Variants in CD300A observed in about 807,000 individuals in gnomAD.
CD300A encodes the protein CD300a molecule, also known as CMRF35-like molecule 8.
Under a neutral mutation model 33.6 loss-of-function variants are expected in CD300A, and 22 were observed. That is an observed-to-expected ratio of 0.66 (90% confidence interval 0.47 to 0.94). The LOEUF (loss-of-function observed/expected upper bound fraction) is 0.94. Among genes scored for constraint, CD300A ranks in the 40% least tolerant of loss-of-function variants. CD300A has a pLI of 0.00. For synonymous variants in CD300A, 136 were observed against 148.1 expected, an observed-to-expected ratio of 0.92 and a Z score of 0.59; for missense variants, 326 against 360.5, an observed-to-expected ratio of 0.90 and a Z score of 0.77.
chr17:74,471,362 T>C (rs1906089014), intron 1 of CD300A, among the ~76,000 whole-genome samples: 1 of 152,228 alleles, frequency 6.6e-6, no homozygotes, highest in Non-Finnish European at 1.5e-5. Flanking sequence ...TTTTATTAGC[T>C]GGAGTCATGT....
At position 74,481,305 on chromosome 17, in the gene CD300A, G is replaced by T. The variant is rs1241804804; in HGVS notation, c.645G>T (p.Glu215Asp). 2 of 1,613,978 alleles carry T rather than the reference G, an allele frequency of 1.2e-6. No individual in the cohort carries two copies. The highest frequency in any genetic ancestry group is 1.7e-6 in the Non-Finnish European group (2 of 1,179,998). Residue 215 changes from glutamate to aspartate, a missense_variant, in exon 5 of 7, where the codon GAG (glutamate) becomes GAT (aspartate). Coordinates refer to ENST00000360141, the MANE Select transcript of CD300A (RefSeq NM_007261.4). Reference protein sequence around the residue: ...QKWIKAGDHSELSQNPKQAAT... With the variant: ...QKWIKAGDHSDLSQNPKQAAT... ...TGTCTCTAGCTGGTGACCATTCAGAGCTGTCCCAGAACCCCAAGCAGGTAA... is the reference window on the plus strand; with the variant it reads ...TGTCTCTAGCTGGTGACCATTCAGATCTGTCCCAGAACCCCAAGCAGGTAA...
intron 6 of CD300A, among the ~76,000 whole-genome samples, chr17:74,483,114 G>A (rs764185113): frequency 6.6e-6 from 1 of 152,128 alleles, no homozygotes; most frequent in Non-Finnish European, 1.5e-5. Flanking sequence ...ACCAGCAACA[G>A]CCTTGTTCTA....
intron 2 of CD300A, 37 bp downstream of exon 2, chr17:74,473,911 A>G: frequency 6.3e-7 from 1 of 1,589,110 alleles, no homozygotes; most frequent in Non-Finnish European, 8.6e-7. Flanking sequence ...AAATAGGCTC[A>G]GGTTGGAATT....
intron 2 of CD300A, 95 bp from the exon 3 acceptor site, chr17:74,474,436 TG>T (rs1906328847): frequency 8.1e-7 from 1 of 1,237,858 alleles, no homozygotes; most frequent in Non-Finnish European, 1.2e-6. Flanking sequence ...CCTTCCTTAG[TG>T]GGCAGTTTGT....
At chr17:74,469,239 C>T (rs1905930504) in intron 1 of CD300A, among the ~76,000 whole-genome samples, 1 of 151,568 alleles carries the variant, frequency 6.6e-6, no homozygotes, top group Non-Finnish European at 1.5e-5. Context: ...TAAAAAAAAT[C>T]TAGCTGGGTG....
chr17:74,473,455 G>A, intron 1 of CD300A, 81 bp from the exon 2 acceptor site: 2 of 1,341,610 alleles, frequency 1.5e-6, no homozygotes, highest in Non-Finnish European at 2.1e-6. Context: ...ACACCCCCAG[G>A]GTCCATGCGG....
chr17:74,470,425 G>T (rs934943232), intron 1 of CD300A, among the ~76,000 whole-genome samples: 1 of 152,110 alleles, frequency 6.6e-6, no homozygotes, highest in Admixed American at 6.6e-5. Flanking sequence ...GAGAGAGAGA[G>T]AGGGAGAAAG....
intron 1 of CD300A, among the ~76,000 whole-genome samples, chr17:74,467,445 G>A (rs750936325): frequency 5.3e-5 from 8 of 152,258 alleles, no homozygotes; most frequent in Middle Eastern, 6.8e-3. Context: ...TGGGGAGGGC[G>A]AGGAGGGAAA....
At position 74,480,775 on chromosome 17, in the gene CD300A, T is replaced by A. The variant is rs754050496; in HGVS notation, c.629-514T>A. Among the ~76,000 whole-genome samples, 32 of 152,072 alleles carry A rather than the reference T, an allele frequency of 2.1e-4. No individual in the cohort carries two copies. The highest frequency in any genetic ancestry group is 4.3e-4 in the Non-Finnish European group (29 of 67,998). Reference sequence around the variant, plus strand: ...TCTTTTTTTCGTTTTTGAGACAGAGTCTTGCTCTGTTGCCCAGGCTGGAGT... The same window carrying A: ...TCTTTTTTTCGTTTTTGAGACAGAGACTTGCTCTGTTGCCCAGGCTGGAGT... On this transcript the variant is annotated intron_variant, in intron 4 of 6. Coordinates refer to ENST00000360141, the MANE Select transcript of CD300A (RefSeq NM_007261.4). This position sits in a 1 kb window ranked among gnomAD's most constrained non-coding sequence, Gnocchi z 4.2.
intron 3 of CD300A, 147 bp from the exon 4 acceptor site, chr17:74,477,289 C>T (rs1906528706): frequency 1.8e-6 from 1 of 547,672 alleles, no homozygotes; most frequent in South Asian, 2.5e-5. Context: ...GGGTTCAAGG[C>T]TGCAGTGAGC....
intron 6 of CD300A, 117 bp from the exon 7 acceptor site, chr17:74,483,884 C>T (rs1270801308): frequency 1.7e-6 from 2 of 1,165,392 alleles, no homozygotes; most frequent in Non-Finnish European, 2.5e-6. Context: ...ACAGTGGAGC[C>T]TCTACAGTGA....
intron 1 of CD300A, among the ~76,000 whole-genome samples, chr17:74,471,707 G>T (rs1427895857): frequency 6.6e-6 from 1 of 152,302 alleles, no homozygotes; most frequent in East Asian, 1.9e-4. Flanking sequence ...TCTGCAGGGG[G>T]ATGTGTACAT....
In CD300A at chr17:74,480,351, A is replaced by G. The variant is rs894079061; in HGVS notation, c.629-938A>G. On this transcript the variant is annotated intron_variant, in intron 4 of 6. Transcript: ENST00000360141. This position sits in a 1 kb window ranked among gnomAD's most constrained non-coding sequence, Gnocchi z 4.2. ...GGCTGTGGACCTAACCAAGGGCATC[A>G]GCAGCGTGTGTGTCACCCGCTGCCC... Among the ~76,000 whole-genome samples the G allele has an allele frequency of 1.3e-5, 2 of 152,146 alleles. No homozygotes were observed. The highest frequency in any genetic ancestry group is 4.8e-5 in the African/African-American group (2 of 41,442).
chr17:74,482,678 G>GTTCGTTCC (rs1906947073), intron 6 of CD300A, among the ~76,000 whole-genome samples: 2 of 129,572 alleles, frequency 1.5e-5, no homozygotes, highest in South Asian at 4.7e-4. Context: ...TCCTGGCCAA[G>GTTCGTTCC]TTCCTTCCTT....
rs145735358 is a variant in CD300A, at chr17:74,466,742, A to C, written c.39A>C (p.Pro13=). 19 of 1,590,760 alleles carry C rather than the reference A, an allele frequency of 1.2e-5. No individual in the cohort carries two copies. Among genetic ancestry groups the C allele is most frequent in the African/African-American group, 1.1e-4 (8 of 74,558 alleles). Residue 13 remains proline (P), a splice_region_variant and synonymous_variant, in exon 1 of 7, where the codon CCA becomes CCC. Transcript: ENST00000360141. ...LPWALLLLWV[P]GCFALSKCRT... The stretch of plus-strand genomic sequence containing the variant: ...GGGCTCTGTTGCTTCTCTGGGTCCC[A>C]GGTGAGAGTTTCCCTTCCCGGGAAA...
At chr17:74,467,815 A>G (rs1334444083) in intron 1 of CD300A, among the ~76,000 whole-genome samples, 2 of 152,038 alleles carry the variant, frequency 1.3e-5, no homozygotes, top group East Asian at 3.9e-4. Context: ...GTGCATGGGA[A>G]GGTTTCAGTT....
At chr17:74,483,770 C>T (rs1907073321) in intron 6 of CD300A, among the ~76,000 whole-genome samples, 1 of 152,090 alleles carries the variant, frequency 6.6e-6, no homozygotes, top group Admixed American at 6.5e-5. Flanking sequence ...CCCTGAGGAG[C>T]CCCCGGAGCC....
At chr17:74,473,431 C>T (rs1906236794) in intron 1 of CD300A, 105 bp from the exon 2 acceptor site, 2 of 1,062,770 alleles carry the variant, frequency 1.9e-6, no homozygotes, top group Non-Finnish European at 2.8e-6. Context: ...TCTCTGCCTG[C>T]CGCTGCCTCC....
upstream of CD300A, chr17:74,466,598 G>C (rs1002419318): frequency 3.1e-6 from 4 of 1,275,016 alleles, no homozygotes; most frequent in African/African-American, 1.5e-5. Context: ...GAAGCAGCGC[G>C]GCACCAAGAA....
Sources: allele counts gnomAD v4.1 joint callset (sites outside exome capture counted in the v4.1 genomes callset), GRCh38; gene constraint gnomAD v4.1.1; non-coding constraint Gnocchi (gnomAD v3.1); transcripts MANE v1.5; gene names NCBI Gene and HGNC (gene_info 2026-07-23, HGNC 2026-07-21).